The following TFB1M variants were observed in gnomAD, a reference collection of about 807,000 sequenced individuals.
The protein encoded by TFB1M is transcription factor B1, mitochondrial.
In TFB1M, 27 loss-of-function variants were observed where a neutral mutation model predicts 31.1. The observed-to-expected ratio is 0.87, with a 90% CI of 0.64 to 1.20. TFB1M has a LOEUF of 1.20. Among genes scored for constraint, TFB1M ranks in the 50% most tolerant of loss-of-function variants. The probability of loss-of-function intolerance (pLI) is 0.00; values close to 1 mark genes in which losing one functional copy is unlikely to be tolerated. For missense variants in TFB1M, 394 were observed against 418.7 expected (o/e 0.94, Z 0.51); for synonymous variants, 166 against 151.8 (o/e 1.09, Z -0.69).
intron 5 of TFB1M, among the ~76,000 whole-genome samples, chr6:155,269,949 A>G (rs554778131): frequency 6.6e-6 from 1 of 152,378 alleles, no homozygotes; most frequent in South Asian, 2.1e-4. Context: ...TCAGTGATGA[A>G]CGAAACAGAG....
chr6:155,244,212 C>T, the TFB1M span: 16 of 857,682 alleles, frequency 1.9e-5, no homozygotes, highest in East Asian at 3.0e-4. Context: ...TTCTGAGAGT[C>T]CCAGGCATAG....
At chr6:155,312,930 T>C (rs1476073939) in intron 1 of TFB1M, among the ~76,000 whole-genome samples, 1 of 152,106 alleles carries the variant, frequency 6.6e-6, no homozygotes, top group Non-Finnish European at 1.5e-5. Flanking sequence ...TCTTTTAAAG[T>C]AGTAGGCCCT....
intron 5 of TFB1M, among the ~76,000 whole-genome samples, chr6:155,264,974 TG>T (rs1234188489): frequency 6.6e-6 from 1 of 152,228 alleles, no homozygotes; most frequent in African/African-American, 2.4e-5. Flanking sequence ...AACTGACAAT[TG>T]TTGTATAAAG....
At chr6:155,254,834 C>A, downstream of TFB1M, 1 of 423,868 alleles carries the variant, frequency 2.4e-6, no homozygotes, top group Non-Finnish European at 4.4e-6. Context: ...CTAAGATGTG[C>A]ATGGGTCCAG....
At chr6:155,233,129 C>T in the TFB1M span, among the ~76,000 whole-genome samples, 1 of 152,144 alleles carries the variant, frequency 6.6e-6, no homozygotes. Context: ...GTATTTCATG[C>T]AGTAGCTACA....
chr6:155,242,682 TAA>T, the TFB1M span, among the ~76,000 whole-genome samples: 1 of 152,234 alleles, frequency 6.6e-6, no homozygotes, highest in East Asian at 1.9e-4. Context: ...TTCTTCAGAA[TAA>T]AAGAGAAATC....
the TFB1M span, chr6:155,240,822 G>C: frequency 2.7e-6 from 3 of 1,096,538 alleles, no homozygotes; most frequent in Middle Eastern, 5.2e-4. Flanking sequence ...TCCCCAGGGG[G>C]GGACACCTGC....
intron 5 of TFB1M, chr6:155,275,659 C>T: frequency 6.8e-7 from 1 of 1,476,212 alleles, no homozygotes; most frequent in Non-Finnish European, 9.3e-7. Context: ...AGATAGAATT[C>T]TGACAGCCAT....
intron 2 of TFB1M, among the ~76,000 whole-genome samples, chr6:155,304,353 T>C (rs1190094075): frequency 1.3e-5 from 2 of 152,060 alleles, no homozygotes; most frequent in African/African-American, 4.8e-5. Flanking sequence ...TCTCCAAAAA[T>C]TCCTCAAAAC....
chr6:155,287,304 G>A (rs549472433), intron 4 of TFB1M, among the ~76,000 whole-genome samples: 74 of 152,072 alleles, frequency 4.9e-4, no homozygotes, highest in Non-Finnish European at 9.1e-4. Flanking sequence ...AGAGCACAGC[G>A]TACATACATA....
At position 155,266,270 on chromosome 6, in the gene TFB1M, T is replaced by A. The variant is rs139635946; in HGVS notation, c.667-5870A>T. ...TGAAAAATACAAGGATGGGGCTCCA[T>A]CCCAGAAAATTAAATAAAAGCCACT... On this transcript the variant is annotated intron_variant, in intron 5 of 6. Coordinates refer to ENST00000367166, the MANE Select transcript of TFB1M (RefSeq NM_016020.4). Among the ~76,000 whole-genome samples the A allele has an allele frequency of 5.2e-3, 786 of 152,276 alleles. 4 individuals carry two copies. Among genetic ancestry groups the A allele is most frequent in the African/African-American group, 0.018 (746 of 41,540 alleles).
intron 6 of TFB1M, among the ~76,000 whole-genome samples, chr6:155,259,590 G>A (rs550138606): frequency 2.0e-5 from 3 of 152,368 alleles, no homozygotes; most frequent in African/African-American, 7.2e-5. Flanking sequence ...CTCTCACGCC[G>A]AGCCTCTTTA....
chr6:155,235,942 A>G, the TFB1M span, among the ~76,000 whole-genome samples: 1 of 152,192 alleles, frequency 6.6e-6, no homozygotes, highest in Non-Finnish European at 1.5e-5. Flanking sequence ...GATGCCATTT[A>G]ACTTATGATG....
At chr6:155,309,746 T>G (rs1275388215) in intron 2 of TFB1M, among the ~76,000 whole-genome samples, 1 of 152,194 alleles carries the variant, frequency 6.6e-6, no homozygotes, top group Admixed American at 6.5e-5. Flanking sequence ...ATTATACAGT[T>G]ATTTAGTTTC....
chr6:155,309,794 T>G (rs575488391), intron 2 of TFB1M, among the ~76,000 whole-genome samples: 2 of 152,120 alleles, frequency 1.3e-5, no homozygotes, highest in Non-Finnish European at 2.9e-5. Flanking sequence ...AATAATAATA[T>G]TCCCACGTCC....
intron 2 of TFB1M, among the ~76,000 whole-genome samples, chr6:155,305,416 AT>A (rs1485603829): frequency 3.2e-5 from 1 of 31,202 alleles, no homozygotes; most frequent in Non-Finnish European, 5.0e-5. Context: ...ATATTATTAA[AT>A]TATATATTTA....
chr6:155,293,957 C>T (rs891197149), intron 4 of TFB1M, among the ~76,000 whole-genome samples: 1 of 152,108 alleles, frequency 6.6e-6, no homozygotes, highest in Non-Finnish European at 1.5e-5. Flanking sequence ...GGTTGTTCTT[C>T]CTGAGGACTC....
chr6:155,280,793 C>T (rs2114726904), intron 5 of TFB1M, among the ~76,000 whole-genome samples: 1 of 152,300 alleles, frequency 6.6e-6, no homozygotes, highest in Non-Finnish European at 1.5e-5. Flanking sequence ...CATCCACCCA[C>T]CAAACTCAAG....
chr6:155,260,247 C>G (rs1333779190), intron 6 of TFB1M, 26 bp downstream of exon 6: 2 of 1,613,774 alleles, frequency 1.2e-6, no homozygotes, highest in Non-Finnish European at 1.7e-6. Context: ...AAGACTGCAA[C>G]TGAAGAGAAG....
Sources: allele counts gnomAD v4.1 joint callset (sites outside exome capture counted in the v4.1 genomes callset), GRCh38; gene constraint gnomAD v4.1.1; transcripts MANE v1.5; gene names NCBI Gene and HGNC (gene_info 2026-07-23, HGNC 2026-07-21).